The following SNX29 variants were observed in gnomAD, a reference collection of about 807,000 sequenced individuals.
The protein encoded by SNX29 is sorting nexin 29, also known as sorting nexin-29.
In SNX29, 78 loss-of-function variants were observed where a neutral mutation model predicts 102.1. The observed-to-expected ratio is 0.76, with a 90% CI of 0.64 to 0.92. The LOEUF is 0.92. SNX29 is among the 40% of genes least tolerant of loss of function. SNX29 has a pLI of 0.00. For missense variants in SNX29, 1,280 were observed against 1,061.7 expected, an observed-to-expected ratio of 1.21 and a Z score of -2.86; for synonymous variants, 580 against 414.5, an observed-to-expected ratio of 1.40 and a Z score of -4.85.
chr16:12,276,860 T>C (rs1271183823), intron 14 of SNX29, among the ~76,000 whole-genome samples: 3 of 152,206 alleles, frequency 2.0e-5, no homozygotes, highest in African/African-American at 7.2e-5. Flanking sequence ...GTGTGCATGC[T>C]TGCTCTGACC....
At position 12,118,313 on chromosome 16, in the gene SNX29, C is replaced by CTTTTTTTTTTTTTTTTTTTTT. The variant is rs869186902; in HGVS notation, c.1403-8317_1403-8297dup. Among the ~76,000 whole-genome samples the CTTTTTTTTTTTTTTTTTTTTT allele has an allele frequency of 5.8e-5, 5 of 86,122 alleles. 1 individual carries two copies. The highest frequency in any genetic ancestry group is 2.1e-4 in the African/African-American group (4 of 19,286). 56.5% of individuals were successfully genotyped at this position (86,122 alleles called of 152,430 possible). A position where few individuals can be genotyped will look rare whatever the true frequency, so the allele number is the denominator to read the frequency against. The stretch of plus-strand genomic sequence containing the variant: ...TGTAGATAGTAGATATACAGACCAC[C>CTTTTTTTTTTTTTTTTTTTTT]TTTTTTTTTTTTTTTTTTTTTTTAT... On this transcript the variant is annotated intron_variant, in intron 11 of 20. Coordinates refer to ENST00000566228, the MANE Select transcript of SNX29 (RefSeq NM_032167.5).
At chr16:12,164,229 A>C (rs893733083) in intron 13 of SNX29, among the ~76,000 whole-genome samples, 1 of 152,130 alleles carries the variant, frequency 6.6e-6, no homozygotes. Flanking sequence ...AAGAAATGTC[A>C]AGAGGGGCGC....
At chr16:12,561,398 A>G (rs766894447) in intron 20 of SNX29, among the ~76,000 whole-genome samples, 2 of 152,134 alleles carry the variant, frequency 1.3e-5, no homozygotes, top group Non-Finnish European at 2.9e-5. Context: ...CATCCCCGCC[A>G]CACACACAGA....
chr16:12,534,968 C>T (rs984066323), intron 20 of SNX29, among the ~76,000 whole-genome samples: 1 of 152,188 alleles, frequency 6.6e-6, no homozygotes, highest in Non-Finnish European at 1.5e-5. Context: ...GTTATCTGAC[C>T]TGAACGTCAT....
At chr16:12,294,750 G>A (rs2079923209) in intron 15 of SNX29, among the ~76,000 whole-genome samples, 1 of 152,188 alleles carries the variant, frequency 6.6e-6, no homozygotes, top group African/African-American at 2.4e-5. Flanking sequence ...ACTTGGCTGA[G>A]AACTAGAGCT....
chr16:12,548,620 A>G (rs1377883039), intron 20 of SNX29, among the ~76,000 whole-genome samples: 1 of 152,182 alleles, frequency 6.6e-6, no homozygotes, highest in Non-Finnish European at 1.5e-5. Context: ...CAAGCCCCAC[A>G]GCAGAAGAGG....
intron 13 of SNX29, among the ~76,000 whole-genome samples, chr16:12,132,636 A>G (rs530674248): frequency 2.6e-5 from 4 of 152,340 alleles, no homozygotes; most frequent in African/African-American, 9.6e-5. Context: ...TTCCACAGGA[A>G]GCGTGTTTTA....
intron 20 of SNX29, among the ~76,000 whole-genome samples, chr16:12,537,636 G>A (rs889974963): frequency 1.3e-5 from 2 of 151,980 alleles, no homozygotes; most frequent in African/African-American, 4.8e-5. Flanking sequence ...TGGCAGCTTA[G>A]ATATTATTAC....
chr16:12,406,585 T>C (rs2084175602), intron 18 of SNX29, among the ~76,000 whole-genome samples: 1 of 152,204 alleles, frequency 6.6e-6, no homozygotes, highest in Non-Finnish European at 1.5e-5. Flanking sequence ...CTCCTAGCCA[T>C]GTGTGGCTCT....
intron 18 of SNX29, among the ~76,000 whole-genome samples, chr16:12,413,756 A>G (rs1239931233): frequency 6.6e-6 from 1 of 152,162 alleles, no homozygotes; most frequent in African/African-American, 2.4e-5. Context: ...CCTGCCCCGC[A>G]CTTCCTGCAT....
chr16:12,209,273 T>G (rs2077122874), intron 14 of SNX29, among the ~76,000 whole-genome samples: 2 of 152,208 alleles, frequency 1.3e-5, no homozygotes, highest in African/African-American at 2.4e-5. Context: ...CATTGTAACC[T>G]CTGCCTCCTG....
intron 2 of SNX29, among the ~76,000 whole-genome samples, chr16:12,001,573 AAT>A (rs2056288750): frequency 6.6e-6 from 1 of 152,236 alleles, no homozygotes; most frequent in East Asian, 1.9e-4. Flanking sequence ...TGTTTTGACA[AAT>A]ATGTCATTTA....
At chr16:12,374,294 G>A (rs915016275) in intron 16 of SNX29, 3 of 152,240 alleles carry the variant, frequency 2.0e-5, no homozygotes, top group African/African-American at 7.2e-5. Flanking sequence ...TCTGCAGCCT[G>A]GTGGAGGAGA....
chr16:11,991,577 CTG>C (rs1017923297), intron 1 of SNX29, among the ~76,000 whole-genome samples: 5 of 152,040 alleles, frequency 3.3e-5, no homozygotes, highest in African/African-American at 1.2e-4. Flanking sequence ...GAGTCTCACT[CTG>C]TCGCCCAGGC....
At chr16:12,433,267 C>A (rs1274264024) in intron 18 of SNX29, among the ~76,000 whole-genome samples, 1 of 152,154 alleles carries the variant, frequency 6.6e-6, no homozygotes, top group South Asian at 2.1e-4. Flanking sequence ...TGTAACGAGC[C>A]TTCTTCCTCT....
chr16:12,079,427 G>C (rs534397480), intron 11 of SNX29, among the ~76,000 whole-genome samples: 1 of 152,134 alleles, frequency 6.6e-6, no homozygotes, highest in Non-Finnish European at 1.5e-5. Context: ...GTAAACTGAC[G>C]GGTGCTCCTG....
intron 1 of SNX29, among the ~76,000 whole-genome samples, chr16:11,979,371 A>C (rs1008247398): frequency 6.6e-6 from 1 of 152,176 alleles, no homozygotes; most frequent in South Asian, 2.1e-4. Context: ...TAAGGATGAA[A>C]ACCTTCTTTT....
intron 8 of SNX29, among the ~76,000 whole-genome samples, chr16:12,059,764 G>T (rs2050692279): frequency 6.6e-6 from 1 of 152,144 alleles, no homozygotes; most frequent in African/African-American, 2.4e-5. Flanking sequence ...GTCTATTACA[G>T]AAAATATTTG....
At chr16:12,517,830 G>C (rs535817197) in intron 19 of SNX29, among the ~76,000 whole-genome samples, 1 of 152,200 alleles carries the variant, frequency 6.6e-6, no homozygotes, top group Non-Finnish European at 1.5e-5. Flanking sequence ...ACCTCCACTG[G>C]CATGTCCCGA....
Sources: allele counts gnomAD v4.1 joint callset (sites outside exome capture counted in the v4.1 genomes callset), GRCh38; gene constraint gnomAD v4.1.1; transcripts MANE v1.5; gene names NCBI Gene and HGNC (gene_info 2026-07-23, HGNC 2026-07-21).